Variants in SLC8A1 observed in about 807,000 individuals in gnomAD.
SLC8A1 encodes the protein solute carrier family 8 member A1.
Under a neutral mutation model 68.3 loss-of-function variants are expected in SLC8A1, and 18 were observed. That is an observed-to-expected ratio of 0.26 (90% CI 0.18 to 0.39). The LOEUF is 0.39. SLC8A1 is among the 10% of genes least tolerant of loss of function. The pLI, the probability that SLC8A1 is intolerant of heterozygous loss-of-function variation, is 1.00. For synonymous variants in SLC8A1, 475 were observed against 415.5 expected (o/e 1.14, Z -1.74); for missense variants, 985 against 1,156.7 (o/e 0.85, Z 2.15).
intron 1 of SLC8A1, among the ~76,000 whole-genome samples, chr2:40,449,643 C>T (rs546201664): frequency 6.7e-6 from 1 of 149,628 alleles, no homozygotes; most frequent in Non-Finnish European, 1.5e-5. Context: ...TAATCTGAAA[C>T]GTTACAGTAG....
intron 1 of SLC8A1, among the ~76,000 whole-genome samples, chr2:40,485,547 C>T (rs1171362223): frequency 6.6e-6 from 1 of 152,186 alleles, no homozygotes; most frequent in African/African-American, 2.4e-5. Flanking sequence ...GTGATATGTT[C>T]TTCCTCACTC....
intron 1 of SLC8A1, among the ~76,000 whole-genome samples, chr2:40,492,149 T>C (rs1705356554): frequency 6.6e-6 from 1 of 151,924 alleles, no homozygotes; most frequent in Admixed American, 6.6e-5. Flanking sequence ...AACAGAGATA[T>C]AGATCAATGG....
intron 1 of SLC8A1, among the ~76,000 whole-genome samples, chr2:40,489,781 G>T (rs1217579737): frequency 1.3e-5 from 2 of 151,750 alleles, no homozygotes; most frequent in Non-Finnish European, 2.9e-5. Flanking sequence ...CATTCCCTGG[G>T]GTTAGTCTCT....
chr2:40,385,631 G>A (rs1027247270), intron 2 of SLC8A1, among the ~76,000 whole-genome samples: 5 of 151,272 alleles, frequency 3.3e-5, no homozygotes, highest in East Asian at 1.9e-4. Flanking sequence ...GCAGGCTGAA[G>A]CCAAGGAAAC....
At chr2:40,369,345 T>C (rs186999591) in intron 2 of SLC8A1, among the ~76,000 whole-genome samples, 1 of 152,132 alleles carries the variant, frequency 6.6e-6, no homozygotes, top group South Asian at 2.1e-4. Context: ...CTAGTGTGTC[T>C]GCAACCTCAG....
intron 2 of SLC8A1, among the ~76,000 whole-genome samples, chr2:40,287,140 T>C (rs564708331): frequency 1.3e-5 from 2 of 152,320 alleles, no homozygotes; most frequent in South Asian, 2.1e-4. Flanking sequence ...TAAAAAAATA[T>C]GTAAGACTCA....
At chr2:40,337,597 A>C (rs1425790232) in intron 2 of SLC8A1, among the ~76,000 whole-genome samples, 1 of 151,746 alleles carries the variant, frequency 6.6e-6, no homozygotes, top group East Asian at 1.9e-4. Context: ...TCATCTCCTT[A>C]TTTTCTGTTT....
At chr2:40,395,002 C>A (rs1427908887) in intron 2 of SLC8A1, among the ~76,000 whole-genome samples, 4 of 152,134 alleles carry the variant, frequency 2.6e-5, no homozygotes, top group South Asian at 4.1e-4. Flanking sequence ...AAGATGTGCA[C>A]AAATGCTCAT....
intron 2 of SLC8A1, among the ~76,000 whole-genome samples, chr2:40,296,701 T>C (rs2070454781): frequency 6.6e-6 from 1 of 152,234 alleles, no homozygotes. Flanking sequence ...ATTTTATGTT[T>C]ACTCTTGTTA....
intron 2 of SLC8A1, among the ~76,000 whole-genome samples, chr2:40,194,394 T>A (rs2052515964): frequency 6.6e-6 from 1 of 151,124 alleles, no homozygotes; most frequent in Non-Finnish European, 1.5e-5. Flanking sequence ...AATTTACAAG[T>A]TGAGGTGTGG....
At chr2:40,358,254 T>G (rs2149470259) in intron 2 of SLC8A1, among the ~76,000 whole-genome samples, 1 of 148,302 alleles carries the variant, frequency 6.7e-6, no homozygotes, top group Non-Finnish European at 1.5e-5. Context: ...ATTTTTAAAA[T>G]TAAAATCTGG....
At chr2:40,121,193 C>T (rs151224939) in intron 7 of SLC8A1, among the ~76,000 whole-genome samples, 83 of 152,274 alleles carry the variant, frequency 5.5e-4, no homozygotes, top group African/African-American at 1.9e-3. Flanking sequence ...TCCACTTAAT[C>T]AGACTCTCTG....
chr2:40,405,388 T>G (rs1382820102), intron 2 of SLC8A1, among the ~76,000 whole-genome samples: 2 of 152,174 alleles, frequency 1.3e-5, no homozygotes, highest in Non-Finnish European at 2.9e-5. Flanking sequence ...TATATAGTGC[T>G]CAAGAAAAGT....
chr2:40,102,073 A>C (rs1018731647), exon 8 of SLC8A1: 5 of 152,178 alleles, frequency 3.3e-5, no homozygotes, highest in African/African-American at 1.2e-4. Flanking sequence ...AATGTGGGTA[A>C]GGGACAGATT....
chr2:40,109,748 A>T (rs1015945936), exon 8 of SLC8A1: 1 of 152,194 alleles, frequency 6.6e-6, no homozygotes, highest in Non-Finnish European at 1.5e-5. Flanking sequence ...GTTTATTCCC[A>T]TGGGGAAAAC....
At chr2:40,378,958 T>A (rs1490442804) in intron 2 of SLC8A1, among the ~76,000 whole-genome samples, 3 of 152,096 alleles carry the variant, frequency 2.0e-5, no homozygotes, top group African/African-American at 4.8e-5. Context: ...TATCACCACT[T>A]TACAATGCAC....
chr2:40,276,654 C>A (rs1205689303), intron 2 of SLC8A1, among the ~76,000 whole-genome samples: 1 of 152,202 alleles, frequency 6.6e-6, no homozygotes, highest in African/African-American at 2.4e-5. Flanking sequence ...AAGGGCAGTA[C>A]TCTTCTTTCC....
chr2:40,451,013 T>C (rs1004562759), intron 1 of SLC8A1, among the ~76,000 whole-genome samples: 1 of 152,106 alleles, frequency 6.6e-6, no homozygotes. Flanking sequence ...GGGGTGGATT[T>C]AAAGAATCAA....
At chr2:40,459,764 A>C (rs560684136) in intron 1 of SLC8A1, among the ~76,000 whole-genome samples, 1 of 152,186 alleles carries the variant, frequency 6.6e-6, no homozygotes, top group Non-Finnish European at 1.5e-5. Flanking sequence ...GGAATCATGC[A>C]TGTGTAACTT....
Sources: gnomAD v4.1 joint callset for allele counts (sites outside exome capture counted in the v4.1 genomes callset) on GRCh38, gnomAD v4.1.1 for gene constraint, MANE v1.5 for transcripts, NCBI Gene and HGNC (gene_info 2026-07-23, HGNC 2026-07-21) for gene names.